The following HNF1A variants were observed in gnomAD, a reference collection of about 807,000 sequenced individuals.
HNF1A encodes the protein HNF1 homeobox A.
Under a neutral mutation model 62.2 loss-of-function variants are expected in HNF1A, and 21 were observed. The ratio of observed to expected loss-of-function variants is 0.34; its 90% CI spans 0.24 to 0.49. The LOEUF (loss-of-function observed/expected upper bound fraction) is 0.49. Among genes scored for constraint, HNF1A ranks in the 20% least tolerant of loss-of-function variants. HNF1A has a pLI of 0.99. For synonymous variants in HNF1A, 374 were observed against 366.8 expected (o/e 1.02, Z -0.22); for missense variants, 687 against 832.3 (o/e 0.83, Z 2.15).
At chr12:120,990,617 T>C (rs538442049) in intron 2 of HNF1A, among the ~76,000 whole-genome samples, 29 of 126,838 alleles carry the variant, frequency 2.3e-4, no homozygotes, top group African/African-American at 8.8e-4. Context: ...GGAGGAAAGA[T>C]AGGAAAGGGA....
At position 120,991,253 on chromosome 12, in the gene HNF1A, A is replaced by G. The variant is rs983325799; in HGVS notation, c.526+2221A>G. 3.3e-5 allele frequency among the ~76,000 whole-genome samples: 5 copies of G among 152,194 alleles called. No individual in the cohort carries two copies. The East Asian group carries it at 5.8e-4, about 18-fold the overall frequency. On this transcript the variant is annotated intron_variant, in intron 2 of 9. Transcript: ENST00000257555. ...TGGCATAGTTCCTTCCAAAGAAGTT[A>G]TATCAATGTACACTTCCACCAGCAG...
At position 120,994,346 on chromosome 12, in the gene HNF1A, T is replaced by C. The variant is rs2135842455; in HGVS notation, c.896T>C (p.Leu299Pro). The C allele has an allele frequency of 1.2e-6, 2 of 1,603,014 alleles. No homozygotes were observed. Among genetic ancestry groups the C allele is most frequent in the Non-Finnish European group, 1.7e-6 (2 of 1,175,160 alleles). The change falls in exon 4 of 10, where the codon CTG (leucine) becomes CCG (proline). Residue 299 changes from leucine (L) to proline (P), a missense_variant. By Grantham distance (98) the Leu-to-Pro change is moderately conservative. Around this residue, in one of 5 missense-constraint regions of HNF1A, gnomAD observed 408 missense variants for 455.3 expected, o/e 0.90. Coordinates refer to ENST00000257555, the MANE Select transcript of HNF1A (RefSeq NM_000545.8). ...PPPGPGPGPA[L>P]PAHSSPGLPP... The stretch of plus-strand genomic sequence containing the variant: ...CCAGGGCCAGGCCCGGGACCTGCGC[T>C]GCCCGCTCACAGCTCCCCTGGCCTG...
In HNF1A at chr12:120,996,390, C is replaced by A. The variant is rs773866097; in HGVS notation, c.1084C>A (p.Leu362Met). The A allele has an allele frequency of 8.1e-6, 13 of 1,614,204 alleles. No individual in the cohort carries two copies. The highest frequency in any genetic ancestry group is 1.7e-5 in the Admixed American group (1 of 60,028). Reference sequence around the variant, plus strand: ...CACGGGCCTGGAGCCCAGCCACAGCCTGCTGAGTACAGAAGCCAAGCTGGT... The same window carrying A: ...CACGGGCCTGGAGCCCAGCCACAGCATGCTGAGTACAGAAGCCAAGCTGGT... ...SPTGLEPSHS[L>M]LSTEAKLVSA... Residue 362 changes from leucine (L) to methionine (M), a missense_variant, in exon 5 of 10, where the codon CTG becomes ATG. By Grantham distance (15) the Leu-to-Met change is conservative. Coordinates refer to ENST00000257555, the MANE Select transcript of HNF1A (RefSeq NM_000545.8). This position sits in a 1 kb window ranked among gnomAD's most constrained non-coding sequence, Gnocchi z 4.5.
intron 6 of HNF1A, chr12:120,997,210 A>G: frequency 7.1e-7 from 1 of 1,415,598 alleles, no homozygotes; most frequent in Non-Finnish European, 9.2e-7. Context: ...GCTCCAGGGA[A>G]CCGCAGTTTG....
At position 120,978,939 on chromosome 12, in the gene HNF1A, G is replaced by C; in HGVS notation, c.171G>C (p.Leu57=). 6.2e-7 allele frequency: 1 copy of C among 1,609,890 alleles called. No individual in the cohort carries two copies. The highest frequency in any genetic ancestry group is 8.5e-7 in the Non-Finnish European group (1 of 1,178,200). The part of the protein sequence containing the change: ...GESCGGGRGE[L]AELPNGLGET... Reference sequence around the variant, plus strand: ...CCTGCGGCGGCGGTCGAGGGGAGCTGGCTGAGCTGCCCAATGGGCTGGGGG... The same window carrying C: ...CCTGCGGCGGCGGTCGAGGGGAGCTCGCTGAGCTGCCCAATGGGCTGGGGG... The change falls in exon 1 of 10, where the codon CTG becomes CTC. Residue 57 remains leucine, a synonymous_variant. Coordinates refer to ENST00000257555, the MANE Select transcript of HNF1A (RefSeq NM_000545.8).
intron 6 of HNF1A, chr12:120,997,264 G>C (rs78753180): frequency 7.0e-7 from 1 of 1,425,816 alleles, no homozygotes; most frequent in Admixed American, 2.9e-5. Context: ...CACTAGCCTA[G>C]ACAAAGAGCT....
intron 7 of HNF1A, chr12:120,998,109 G>T (rs200753546): frequency 2.9e-6 from 1 of 349,788 alleles, no homozygotes; most frequent in Non-Finnish European, 5.5e-6. Flanking sequence ...GTGAAACCCC[G>T]TCTCTACTAA....
At chr12:121,000,613 C>T (rs1044934619) in intron 9 of HNF1A, 1 of 234,330 alleles carries the variant, frequency 4.3e-6, no homozygotes, top group Admixed American at 5.1e-5. Flanking sequence ...AGGCAGAATT[C>T]CTTCTCTGGG....
chr12:120,994,482 C>G (rs1212415699), intron 4 of HNF1A, 77 bp downstream of exon 4: 1 of 1,502,738 alleles, frequency 6.7e-7, no homozygotes, highest in East Asian at 2.4e-5. Flanking sequence ...ACAGCAGTCA[C>G]CTAAACCTCT....
Position 121,001,151 on chromosome 12 carries a change from G to C in HNF1A, c.1855G>C (p.Glu619Gln), listed in dbSNP as rs1316999782. 1 of 1,614,088 alleles carries C rather than the reference G, an allele frequency of 6.2e-7. No homozygotes were observed. The highest frequency in any genetic ancestry group is 2.2e-5 in the East Asian group (1 of 44,876). The change falls in exon 10 of 10, where the codon GAG becomes CAG. Residue 619 changes from glutamate (E) to glutamine (Q), a missense_variant. By Grantham distance (29) the Glu-to-Gln change is conservative. Around this residue, in one of 5 missense-constraint regions of HNF1A, gnomAD observed 408 missense variants for 455.3 expected, o/e 0.90. Coordinates refer to ENST00000257555, the MANE Select transcript of HNF1A (RefSeq NM_000545.8). The stretch of plus-strand genomic sequence containing the variant: ...GCTGCCATCCAACCACAGCGTCATC[G>C]AGACCTTCATCTCCACCCAGATGGC... ...HLLPSNHSVIETFISTQMASS... is the reference protein window; with the variant it reads ...HLLPSNHSVIQTFISTQMASS...
At chr12:120,988,410 ATTCG>A (rs1239346446) in intron 1 of HNF1A, among the ~76,000 whole-genome samples, 1 of 142,018 alleles carries the variant, frequency 7.0e-6, no homozygotes. Context: ...CCATCCACCC[ATTCG>A]CCCATCCATC....
In HNF1A at chr12:120,995,337, A is replaced by C. The variant is rs1459405408; in HGVS notation, c.956-925A>C. 1.3e-5 allele frequency among the ~76,000 whole-genome samples: 2 copies of C among 148,770 alleles called. 1 individual carries two copies. Among genetic ancestry groups the C allele is most frequent in the Non-Finnish European group, 3.0e-5 (2 of 67,100 alleles). ...TACTTCATTCAACTCTGCTCCATCC[A>C]CTCCACTCCACCCATTCCATCCACT... is the stretch of plus-strand genomic sequence containing the variant. On this transcript the variant is annotated intron_variant, in intron 4 of 9. Transcript: ENST00000257555.
At chr12:120,988,807 C>A (rs1021287459) in intron 1 of HNF1A, 26 bp from the exon 2 acceptor site, 9 of 1,610,990 alleles carry the variant, frequency 5.6e-6, no homozygotes, top group Non-Finnish European at 7.6e-6. Flanking sequence ...CCTTGCTGAG[C>A]AGATCCCGTC....
intron 9 of HNF1A, among the ~76,000 whole-genome samples, chr12:120,999,877 A>G (rs538726214): frequency 2.1e-4 from 32 of 152,278 alleles, no homozygotes; most frequent in Non-Finnish European, 2.9e-4. Flanking sequence ...AAAATGATGA[A>G]GTAATTGTTA....
chr12:120,991,646 T>G (rs1876845032), intron 2 of HNF1A, among the ~76,000 whole-genome samples: 1 of 151,610 alleles, frequency 6.6e-6, no homozygotes, highest in Non-Finnish European at 1.5e-5. Context: ...TATGTATGCA[T>G]GCATGCATGC....
chr12:120,999,162 C>A, intron 7 of HNF1A, 106 bp from the exon 8 acceptor site: 1 of 1,366,250 alleles, frequency 7.3e-7, no homozygotes, highest in Non-Finnish European at 1.0e-6. Flanking sequence ...GCTGCCCAGT[C>A]TGGCTGTTCA....
At position 120,996,154 on chromosome 12, in the gene HNF1A, AG is replaced by A; in HGVS notation, c.956-106del. ...ATTTGCTGGCTGCATAAAGGCAGAC[AG>A]GCAGCTGGCCTAAGCAAACCAATGG... is the stretch of plus-strand genomic sequence containing the variant. On this transcript the variant is annotated intron_variant, in intron 4 of 9. Coordinates refer to ENST00000257555, the MANE Select transcript of HNF1A (RefSeq NM_000545.8). This position sits in a 1 kb window ranked among gnomAD's most constrained non-coding sequence, Gnocchi z 4.5. 6 of 1,346,662 alleles carry A rather than the reference AG, an allele frequency of 4.5e-6. No homozygotes were observed. Among genetic ancestry groups the A allele is most frequent in the Non-Finnish European group, 6.3e-6 (6 of 954,476 alleles). 83.4% of individuals were successfully genotyped at this position (1,346,662 alleles called of 1,614,324 possible). A position where few individuals can be genotyped will look rare whatever the true frequency, so the allele number is the denominator to read the frequency against.
At chr12:120,982,056 T>C (rs934604357) in intron 1 of HNF1A, among the ~76,000 whole-genome samples, 3 of 151,896 alleles carry the variant, frequency 2.0e-5, no homozygotes, top group Non-Finnish European at 2.9e-5. Context: ...AACCCCAGCG[T>C]GTTTCTTTTT....
At position 120,982,610 on chromosome 12, in the gene HNF1A, T is replaced by C. The variant is rs144682091; in HGVS notation, c.326+3516T>C. Among the ~76,000 whole-genome samples the C allele has an allele frequency of 1.6e-4, 25 of 152,320 alleles. 1 individual carries two copies. In the East Asian group the frequency reaches 4.2e-3, roughly 26 times the overall value. ...AGGGTAGAGATGACAATAGCCCTTGTCCACAGGGTTAAATGGCATGGCACT... is the reference window on the plus strand; with the variant it reads ...AGGGTAGAGATGACAATAGCCCTTGCCCACAGGGTTAAATGGCATGGCACT... On this transcript the variant is annotated intron_variant, in intron 1 of 9. Transcript: ENST00000257555.
Sources: allele counts gnomAD v4.1 joint callset (sites outside exome capture counted in the v4.1 genomes callset), GRCh38; gene constraint gnomAD v4.1.1; regional missense constraint gnomAD v4.1.1; non-coding constraint Gnocchi (gnomAD v3.1); transcripts MANE v1.5; gene names NCBI Gene and HGNC (gene_info 2026-07-23, HGNC 2026-07-21).